The following LRRC41 variants were observed in gnomAD, a reference collection of about 807,000 sequenced individuals.
LRRC41 encodes the protein leucine rich repeat containing 41.
A neutral mutation model predicts 72.1 loss-of-function variants in LRRC41; 17 were observed. That is an observed-to-expected ratio of 0.24 (90% CI 0.16 to 0.35). The LOEUF (loss-of-function observed/expected upper bound fraction) is 0.35. Ranked by LOEUF, LRRC41 falls within the 10% of genes least tolerant of loss-of-function variation. The pLI is 1.00. For missense variants in LRRC41, 759 were observed against 1,065.0 expected, an observed-to-expected ratio of 0.71 and a Z score of 4.00; for synonymous variants, 427 against 431.0, an observed-to-expected ratio of 0.99 and a Z score of 0.11.
At chr1:46,280,353 C>A (rs1200078270) in intron 6 of LRRC41, 43 bp downstream of exon 6, 9 of 1,613,466 alleles carry the variant, frequency 5.6e-6, no homozygotes, top group Non-Finnish European at 6.8e-6. Flanking sequence ...AGTGCTAGGT[C>A]CCCACCTACT....
rs1045653379 is a variant in LRRC41 at position 46,278,366 on chromosome 1, G to T, written c.*499C>A. ...GCTCCACAGGGCCCTGTTGAATTTT[G>T]TTCTCTGGGAGAAAATCATCAAGAA... On this transcript the variant is annotated 3_prime_UTR_variant, in exon 10 of 10. Coordinates refer to ENST00000617190, the MANE Select transcript of LRRC41 (RefSeq NM_006369.5). 3 of 1,431,844 alleles carry T rather than the reference G, an allele frequency of 2.1e-6. No homozygotes were observed. The African/African-American group carries it at 4.2e-5, about 20-fold the overall frequency. 88.7% of individuals were successfully genotyped at this position (1,431,844 alleles called of 1,614,324 possible). A position where few individuals can be genotyped will look rare whatever the true frequency, so the allele number is the denominator to read the frequency against.
At chr1:46,283,990 A>G (rs1289900585) in intron 4 of LRRC41, among the ~76,000 whole-genome samples, 4 of 152,166 alleles carry the variant, frequency 2.6e-5, no homozygotes, top group African/African-American at 9.7e-5. Context: ...AGGTAGTGAA[A>G]AAAAATTTAA....
chr1:46,290,615 C>CA (rs768704995), intron 3 of LRRC41, among the ~76,000 whole-genome samples: 2 of 138,852 alleles, frequency 1.4e-5, no homozygotes, highest in African/African-American at 2.6e-5. Flanking sequence ...TTGTTTCTAG[C>CA]TTTTTTTTTT....
Position 46,286,054 on chromosome 1 carries a change from T to C in LRRC41, c.803A>G (p.Glu268Gly). 6.2e-7 allele frequency: 1 copy of C among 1,603,818 alleles called. No individual in the cohort carries two copies. The stretch of plus-strand genomic sequence containing the variant: ...GGATGGGGCCCGGCCTCGGGAGGCC[T>C]CTCCACAGAGGCGGCAGGGTGGGCC... ...PGGPPCRLCG[E>G]ASRGRAPSRD... Residue 268 changes from glutamate (E) to glycine (G), a missense_variant, in exon 4 of 10, where the codon GAG (glutamate) becomes GGG (glycine). By Grantham distance (98) the Glu-to-Gly change is moderately conservative (BLOSUM62 -2). This residue lies in a region of LRRC41 where 427 missense variants were observed against 520.9 expected (regional missense o/e 0.82). Transcript: ENST00000617190. This position sits in a 1 kb window ranked among gnomAD's most constrained non-coding sequence, Gnocchi z 5.5.
At chr1:46,283,010 G>T (rs865778004) in intron 4 of LRRC41, among the ~76,000 whole-genome samples, 20 of 143,932 alleles carry the variant, frequency 1.4e-4, no homozygotes, top group African/African-American at 5.2e-4. Context: ...GGTGACAACA[G>T]AGACTCCCTG....
Position 46,278,517 on chromosome 1 carries a change from C to G in LRRC41, c.*348G>C, listed in dbSNP as rs1660692834. The G allele has an allele frequency of 1.6e-6, 1 of 627,908 alleles. No homozygotes were observed. The highest frequency in any genetic ancestry group is 1.8e-5 in the African/African-American group (1 of 54,336). 38.9% of individuals were successfully genotyped at this position (627,908 alleles called of 1,614,324 possible). A position where few individuals can be genotyped will look rare whatever the true frequency, so the allele number is the denominator to read the frequency against. ...TGGTAAGCCCAGCAGGGAAGAAGCC[C>G]CCTATACTTCTCTAAAGCCTGGGTG... On this transcript the variant is annotated 3_prime_UTR_variant, in exon 10 of 10. Coordinates refer to ENST00000617190, the MANE Select transcript of LRRC41 (RefSeq NM_006369.5).
chr1:46,279,670 C>G lies in LRRC41; in HGVS notation c.2021-56G>C. 1.2e-6 allele frequency: 2 copies of G among 1,608,112 alleles called. No homozygotes were observed. The highest frequency in any genetic ancestry group is 1.7e-6 in the Non-Finnish European group (2 of 1,175,754). On this transcript the variant is annotated intron_variant, in intron 7 of 9. Transcript: ENST00000617190. This position sits in a 1 kb window ranked among gnomAD's most constrained non-coding sequence, Gnocchi z 4.5. ...GGCTGCATTAGGACTGGTGCTGCCC[C>G]TCCTGCCCCAGTTGGCCCTAGCAAG...
Position 46,302,706 on chromosome 1 carries a change from G to A in LRRC41, c.199+418C>T, listed in dbSNP as rs1323936926. On this transcript the variant is annotated intron_variant, in intron 1 of 9. Transcript: ENST00000617190. This position sits in a 1 kb window ranked among gnomAD's most constrained non-coding sequence, Gnocchi z 4.7. ...CCGGGCCTGGCCTGGCCTTGCCTTAGGCCGGGCCTCCTAACCTCGGCCCCT... is the reference window on the plus strand; with the variant it reads ...CCGGGCCTGGCCTGGCCTTGCCTTAAGCCGGGCCTCCTAACCTCGGCCCCT... The A allele has an allele frequency of 1.0e-6, 1 of 985,004 alleles. No homozygotes were observed. Among genetic ancestry groups the A allele is most frequent in the African/African-American group, 1.7e-5 (1 of 57,152 alleles). The allele number at this position is 985,004 out of a possible 1,614,324, so 61.0% of individuals were successfully genotyped here. A position where few individuals can be genotyped will look rare whatever the true frequency, so the allele number is the denominator to read the frequency against.
chr1:46,281,104 A>AAC, intron 5 of LRRC41, 21 bp downstream of exon 5: 9 of 1,612,238 alleles, frequency 5.6e-6, no homozygotes, highest in Non-Finnish European at 7.6e-6. Context: ...CACACACACA[A>AAC]ACACACACAC....
chr1:46,294,462 T>C (rs116769279), intron 3 of LRRC41, among the ~76,000 whole-genome samples: 2,180 of 152,142 alleles, frequency 0.014, 68 homozygotes, highest in African/African-American at 0.05. Context: ...GGCTGGAATG[T>C]AGTGGCATGA....
rs199909912 is a variant in LRRC41 at position 46,280,334 on chromosome 1, C to T, written c.1922-44G>A. The T allele has an allele frequency of 5.0e-6, 8 of 1,612,696 alleles. No homozygotes were observed. In the Admixed American group the frequency reaches 5.0e-5, roughly 10 times the overall value. Reference sequence around the variant, plus strand: ...CCATGGACCATGGACCTTAGCTTTCCTAGAGAACAGTGCTAGGTCCCCACC... The same window carrying T: ...CCATGGACCATGGACCTTAGCTTTCTTAGAGAACAGTGCTAGGTCCCCACC... On this transcript the variant is annotated intron_variant, in intron 6 of 9. Transcript: ENST00000617190.
intron 4 of LRRC41, among the ~76,000 whole-genome samples, chr1:46,281,854 A>G (rs536806929): frequency 7.2e-5 from 11 of 152,286 alleles, no homozygotes; most frequent in South Asian, 4.1e-4. Flanking sequence ...CAAGGTGGGC[A>G]GATCACTTGA....
chr1:46,296,730 AC>A (rs928688103), intron 3 of LRRC41: 5 of 152,340 alleles, frequency 3.3e-5, no homozygotes, highest in African/African-American at 9.6e-5. Flanking sequence ...TCAAGGAGTT[AC>A]ACAGACTCCA....
At position 46,277,745 on chromosome 1, in the gene LRRC41, T is replaced by C; in HGVS notation, c.*1120A>G. On this transcript the variant is annotated 3_prime_UTR_variant, in exon 10 of 10. Transcript: ENST00000617190. The stretch of plus-strand genomic sequence containing the variant: ...GGTAGCTGTAGTTTCAACCCTTTGG[T>C]TTTCCTGCTCCCTTTTTATGAGGAT... The C allele has an allele frequency of 6.6e-7, 1 of 1,515,652 alleles. No homozygotes were observed. Among genetic ancestry groups the C allele is most frequent in the Non-Finnish European group, 9.1e-7 (1 of 1,097,330 alleles). 93.9% of individuals were successfully genotyped at this position (1,515,652 alleles called of 1,614,324 possible).
intron 1 of LRRC41, 137 bp from the exon 2 acceptor site, chr1:46,298,507 T>C (rs978175624): frequency 3.7e-5 from 22 of 595,798 alleles, no homozygotes; most frequent in Non-Finnish European, 5.9e-5. Context: ...CTCTAGAAGC[T>C]AATCTAGATC....
In LRRC41 at chr1:46,280,523, C is replaced by T; in HGVS notation, c.1794G>A (p.Arg598=). 1 of 1,614,044 alleles carries T rather than the reference C, an allele frequency of 6.2e-7. No individual in the cohort carries two copies. Among genetic ancestry groups the T allele is most frequent in the Non-Finnish European group, 8.5e-7 (1 of 1,180,022 alleles). ...ACAGCAGTGGGGCTGGCTGGGCTCCCCGTGGAAATCCCATCTCCAACTGCT... is the reference window on the plus strand; with the variant it reads ...ACAGCAGTGGGGCTGGCTGGGCTCCTCGTGGAAATCCCATCTCCAACTGCT... ...CLEQLEMGFP[R]GAQPAPLLCS... Residue 598 remains arginine (R), a synonymous_variant, in exon 6 of 10, where the codon CGG becomes CGA. Coordinates refer to ENST00000617190, the MANE Select transcript of LRRC41 (RefSeq NM_006369.5).
At position 46,285,192 on chromosome 1, in the gene LRRC41, G is replaced by A; in HGVS notation, c.1495+170C>T. ...AACTAATCAAGTGTATAGACTTTAT[G>A]TTCCTCTCTTCTAGCAATGACAGTC... On this transcript the variant is annotated intron_variant, in intron 4 of 9. Coordinates refer to ENST00000617190, the MANE Select transcript of LRRC41 (RefSeq NM_006369.5). This position sits in a 1 kb window ranked among gnomAD's most constrained non-coding sequence, Gnocchi z 5.3. The A allele has an allele frequency of 1.5e-6, 1 of 671,980 alleles. No homozygotes were observed. The highest frequency in any genetic ancestry group is 1.8e-5 in the South Asian group (1 of 54,068). The allele number at this position is 671,980 out of a possible 1,614,324, so 41.6% of individuals were successfully genotyped here. A position where few individuals can be genotyped will look rare whatever the true frequency, so the allele number is the denominator to read the frequency against.
At chr1:46,287,319 A>G (rs571746819) in intron 3 of LRRC41, among the ~76,000 whole-genome samples, 1 of 151,514 alleles carries the variant, frequency 6.6e-6, no homozygotes, top group South Asian at 2.1e-4. Context: ...CCTGTTAGCC[A>G]GGATGGTCTC....
intron 1 of LRRC41, among the ~76,000 whole-genome samples, chr1:46,301,048 CTG>C (rs1198842650): frequency 2.0e-5 from 3 of 152,110 alleles, no homozygotes; most frequent in Admixed American, 6.6e-5. Flanking sequence ...ATTCAGTAAA[CTG>C]TCAATTGTTT....
Sources: gnomAD v4.1 joint callset for allele counts (sites outside exome capture counted in the v4.1 genomes callset) on GRCh38, gnomAD v4.1.1 for gene constraint, gnomAD v4.1.1 regional missense constraint, Gnocchi (gnomAD v3.1) non-coding constraint, MANE v1.5 for transcripts, NCBI Gene and HGNC (gene_info 2026-07-23, HGNC 2026-07-21) for gene names.